The following MYH9 variants were observed in gnomAD, a reference collection of about 807,000 sequenced individuals.
The protein encoded by MYH9 is myosin-9.
A neutral mutation model predicts 241.9 loss-of-function variants in MYH9; 29 were observed. That is an observed-to-expected ratio of 0.12 (90% CI 0.09 to 0.16). The LOEUF is 0.16. Ranked by LOEUF, MYH9 falls within the 10% of genes least tolerant of loss-of-function variation. The pLI is 1.00. For missense variants in MYH9, 1,803 were observed against 2,595.5 expected, an observed-to-expected ratio of 0.69 and a Z score of 6.63; for synonymous variants, 1,047 against 1,062.6, an observed-to-expected ratio of 0.99 and a Z score of 0.29.
intron 6 of MYH9, among the ~76,000 whole-genome samples, chr22:36,322,081 A>T (rs1017341697): frequency 1.3e-5 from 2 of 152,178 alleles, no homozygotes; most frequent in Non-Finnish European, 2.9e-5. Flanking sequence ...GCAGAGGGGG[A>T]AAGAGACCAG....
intron 3 of MYH9, among the ~76,000 whole-genome samples, chr22:36,335,827 C>T (rs764668653): frequency 2.0e-5 from 3 of 152,212 alleles, no homozygotes; most frequent in Admixed American, 6.5e-5. Flanking sequence ...TGGCTCTCTG[C>T]GGGCTTTTCG....
In MYH9 at chr22:36,285,935, G is replaced by A. The variant is rs142904663; in HGVS notation, c.5080C>T (p.Arg1694Cys). ...TCCTGCTGGGCCTGGCGCTTGGCAC[G>A]CTCCGCGGCTGCCAGTTCCTGCCAC... ...QLQEELAAAE[R>C]AKRQAQQERD... Residue 1694 changes from arginine (R) to cysteine (C), a missense_variant, in exon 36 of 41, where the codon CGT (arginine) becomes TGT (cysteine). Transcript: ENST00000216181. This position sits in a 1 kb window ranked among gnomAD's most constrained non-coding sequence, Gnocchi z 7.0. The A allele has an allele frequency of 1.7e-5, 27 of 1,610,566 alleles. No individual in the cohort carries two copies. Among genetic ancestry groups the A allele is most frequent in the Non-Finnish European group, 2.2e-5 (26 of 1,179,954 alleles).
chr22:36,294,887 C>G lies in MYH9; in HGVS notation c.3630+45G>C, dbSNP rs376877395. On this transcript the variant is annotated intron_variant, in intron 27 of 40. Transcript: ENST00000216181. Reference sequence around the variant, plus strand: ...TGGTTTGGATTCTGTGGGCCCAGCACGGGGAACCCTGCCCTCCCCCTGCGG... The same window carrying G: ...TGGTTTGGATTCTGTGGGCCCAGCAGGGGGAACCCTGCCCTCCCCCTGCGG... 1.1e-5 allele frequency: 18 copies of G among 1,604,552 alleles called. No individual in the cohort carries two copies. The African/African-American group carries it at 2.1e-4, about 19-fold the overall frequency.
chr22:36,372,396 G>A (rs2018102413), intron 1 of MYH9, among the ~76,000 whole-genome samples: 2 of 151,786 alleles, frequency 1.3e-5, no homozygotes, highest in South Asian at 4.2e-4. Flanking sequence ...GGCTGAGGTG[G>A]GAGGATCACT....
chr22:36,321,062 C>T (rs1024135114), intron 7 of MYH9, among the ~76,000 whole-genome samples, 166 bp from the exon 8 acceptor site: 10 of 152,080 alleles, frequency 6.6e-5, no homozygotes, highest in African/African-American at 2.4e-4. Flanking sequence ...AAGCGATTCT[C>T]CTGCCTCAGC....
At chr22:36,370,389 G>GT (rs1475317996) in intron 1 of MYH9, among the ~76,000 whole-genome samples, 1 of 152,216 alleles carries the variant, frequency 6.6e-6, no homozygotes, top group Non-Finnish European at 1.5e-5. Flanking sequence ...TCTCAAGCAT[G>GT]TATCAAGTGC....
chr22:36,295,855 A>G lies in MYH9; in HGVS notation c.3273-138T>C. On this transcript the variant is annotated intron_variant, in intron 25 of 40. Transcript: ENST00000216181. The surrounding 1 kb of genome is among the most constrained non-coding windows in gnomAD (Gnocchi z 4.1). ...AATCATGGCACTTAGGATGGCTCTC[A>G]GCAGAAACAACATCTGAGACAACCA... The G allele has an allele frequency of 2.6e-6, 2 of 769,662 alleles. No homozygotes were observed. Among genetic ancestry groups the G allele is most frequent in the South Asian group, 1.5e-5 (1 of 67,704 alleles). The allele number at this position is 769,662 out of a possible 1,614,324, so 47.7% of individuals were successfully genotyped here. A position where few individuals can be genotyped will look rare whatever the true frequency, so the allele number is the denominator to read the frequency against.
intron 5 of MYH9, among the ~76,000 whole-genome samples, chr22:36,324,327 G>C (rs367892616): frequency 6.6e-6 from 1 of 152,258 alleles, no homozygotes; most frequent in Non-Finnish European, 1.5e-5. Flanking sequence ...TGAAATCTGC[G>C]TAACATGAAA....
chr22:36,284,182 G>A lies in MYH9; in HGVS notation c.5676C>T (p.Ser1892=). ...CCAGCTCGCGCTGCAGTTTCCGGCG[G>A]GAGGCGTTGGCCCGCTGGGCCTCCT... ...AEEEAQRANA[S]RRKLQRELED... Residue 1892 remains serine, a synonymous_variant, in exon 40 of 41, where the codon TCC becomes TCT. Transcript: ENST00000216181. The A allele has an allele frequency of 6.2e-7, 1 of 1,613,952 alleles. No individual in the cohort carries two copies. The highest frequency in any genetic ancestry group is 1.1e-5 in the South Asian group (1 of 91,072).
In MYH9 at chr22:36,288,296, T is replaced by C; in HGVS notation, c.4888A>G (p.Asn1630Asp). 1.2e-6 allele frequency: 2 copies of C among 1,614,172 alleles called. No homozygotes were observed. Among genetic ancestry groups the C allele is most frequent in the Non-Finnish European group, 1.7e-6 (2 of 1,180,040 alleles). The change falls in exon 34 of 41, where the codon AAC becomes GAC. Residue 1630 changes from asparagine (N) to aspartate (D), a missense_variant. Physicochemically the swap from Asn to Asp is conservative, Grantham distance 23. Around this residue, in one of 11 missense-constraint regions of MYH9, gnomAD observed 876 missense variants for 1,077.8 expected, o/e 0.81. Transcript: ENST00000216181. This position sits in a 1 kb window ranked among gnomAD's most constrained non-coding sequence, Gnocchi z 4.8. The stretch of plus-strand genomic sequence containing the variant: ...TTGATGGCTTCGTCCCGGTTCTTGT[T>C]GGCCGAGTCGATGTGCGCCTCCAGG... ...KDLEAHIDSA[N>D]KNRDEAIKQL...
At chr22:36,355,818 C>T (rs2017847119) in intron 1 of MYH9, among the ~76,000 whole-genome samples, 1 of 152,098 alleles carries the variant, frequency 6.6e-6, no homozygotes, top group South Asian at 2.1e-4. Context: ...GTCAAGGGGG[C>T]TACAAGAAGC....
intron 1 of MYH9, among the ~76,000 whole-genome samples, chr22:36,352,963 C>T (rs1445585030): frequency 1.3e-5 from 2 of 152,124 alleles, no homozygotes; most frequent in South Asian, 2.1e-4. Flanking sequence ...CAGGGAGAGC[C>T]GCAAAGGTCA....
At chr22:36,302,782 G>A in intron 19 of MYH9, 106 bp from the exon 20 acceptor site, 1 of 940,986 alleles carries the variant, frequency 1.1e-6, no homozygotes, top group Non-Finnish European at 1.7e-6. Flanking sequence ...CTTGCCTGGG[G>A]CACCTCAAGA....
At chr22:36,372,927 C>T (rs1392603940) in intron 1 of MYH9, among the ~76,000 whole-genome samples, 2 of 151,990 alleles carry the variant, frequency 1.3e-5, no homozygotes, top group African/African-American at 4.8e-5. Context: ...GCCACAACAC[C>T]TGGCAGAGGA....
At chr22:36,328,597 T>C (rs938498725) in intron 3 of MYH9, among the ~76,000 whole-genome samples, 2 of 152,172 alleles carry the variant, frequency 1.3e-5, no homozygotes, top group Non-Finnish European at 2.9e-5. Flanking sequence ...AAAATAGAAA[T>C]AACACATAAA....
Position 36,320,738 on chromosome 22 carries a change from T to A in MYH9, c.868+60A>T. The A allele has an allele frequency of 7.0e-7, 1 of 1,438,496 alleles. No individual in the cohort carries two copies. Among genetic ancestry groups the A allele is most frequent in the Non-Finnish European group, 9.8e-7 (1 of 1,024,550 alleles). 89.1% of individuals were successfully genotyped at this position (1,438,496 alleles called of 1,614,324 possible). A position where few individuals can be genotyped will look rare whatever the true frequency, so the allele number is the denominator to read the frequency against. ...TTCCCAAATGATGTCTACGGTCCAA[T>A]TCTGGCAAGAGGCCCAGAGCCCGGC... On this transcript the variant is annotated intron_variant, in intron 8 of 40. Coordinates refer to ENST00000216181, the MANE Select transcript of MYH9 (RefSeq NM_002473.6). The surrounding 1 kb of genome is among the most constrained non-coding windows in gnomAD (Gnocchi z 4.8).
intron 3 of MYH9, among the ~76,000 whole-genome samples, chr22:36,340,555 G>C (rs1407546419): frequency 6.6e-6 from 1 of 152,052 alleles, no homozygotes; most frequent in Non-Finnish European, 1.5e-5. Flanking sequence ...CAGCTACTAG[G>C]GGGGCTGAGG....
At chr22:36,316,389 G>T in intron 12 of MYH9, 128 bp downstream of exon 12, 1 of 1,378,228 alleles carries the variant, frequency 7.3e-7, no homozygotes, top group Non-Finnish European at 1.0e-6. Flanking sequence ...CCCAACCAAA[G>T]TCTTCATGCA....
Position 36,288,991 on chromosome 22 carries a change from G to T in MYH9, c.4558-52C>A, listed in dbSNP as rs2016638896. On this transcript the variant is annotated intron_variant, in intron 32 of 40. Coordinates refer to ENST00000216181, the MANE Select transcript of MYH9 (RefSeq NM_002473.6). The surrounding 1 kb of genome is among the most constrained non-coding windows in gnomAD (Gnocchi z 4.8). ...AGCAAAGGGACTGGCAGGTACCTGG[G>T]TCTGCGCGACCCGGAGTCTGTGCAC... The T allele has an allele frequency of 6.2e-7, 1 of 1,612,682 alleles. No homozygotes were observed. The highest frequency in any genetic ancestry group is 8.5e-7 in the Non-Finnish European group (1 of 1,179,758).
Sources: allele counts gnomAD v4.1 joint callset (sites outside exome capture counted in the v4.1 genomes callset), GRCh38; gene constraint gnomAD v4.1.1; regional missense constraint gnomAD v4.1.1; non-coding constraint Gnocchi (gnomAD v3.1); transcripts MANE v1.5; gene names NCBI Gene and HGNC (gene_info 2026-07-23, HGNC 2026-07-21).